The following MICU1 variants were observed in gnomAD, a reference collection of about 807,000 sequenced individuals.
MICU1 encodes the protein calcium uptake protein 1, mitochondrial.
MICU1 carries 45 observed loss-of-function variants against 56.8 expected under a neutral mutation model. The ratio of observed to expected loss-of-function variants is 0.79; its 90% CI spans 0.62 to 1.02. The LOEUF (loss-of-function observed/expected upper bound fraction) is 1.02, where lower values mean the gene tolerates loss of function less well. MICU1 is among the 50% of genes least tolerant of loss of function. The probability of loss-of-function intolerance (pLI) is 0.00; values close to 1 mark genes in which losing one functional copy is unlikely to be tolerated. For missense variants in MICU1, 504 were observed against 587.1 expected (o/e 0.86, Z 1.46); for synonymous variants, 186 against 195.1 (o/e 0.95, Z 0.39).
Position 72,467,220 on chromosome 10 carries a change from G to C in MICU1, c.933+7880C>G, listed in dbSNP as rs142469657. Among the ~76,000 whole-genome samples, 19 of 152,144 alleles carry C rather than the reference G, an allele frequency of 1.2e-4. 1 individual carries two copies. The highest frequency in any genetic ancestry group is 4.6e-4 in the African/African-American group (19 of 41,490). On this transcript the variant is annotated intron_variant, in intron 8 of 11. Coordinates refer to ENST00000361114, the MANE Select transcript of MICU1 (RefSeq NM_001195518.2). ...GTTTTTTGAGACAGAGTCTTGCCCTGTTGCCCAGACTGGAGTACAATGGTG... is the reference window on the plus strand; with the variant it reads ...GTTTTTTGAGACAGAGTCTTGCCCTCTTGCCCAGACTGGAGTACAATGGTG...
intron 10 of MICU1, among the ~76,000 whole-genome samples, chr10:72,395,342 G>T (rs144705109): frequency 6.6e-6 from 1 of 151,962 alleles, no homozygotes; most frequent in South Asian, 2.1e-4. Context: ...GAACAGCTCC[G>T]GTCTGCAGCT....
At chr10:72,395,842 T>G (rs1431173432) in intron 10 of MICU1, among the ~76,000 whole-genome samples, 5 of 152,226 alleles carry the variant, frequency 3.3e-5, no homozygotes, top group Admixed American at 2.0e-4. Flanking sequence ...TCCACCTCTA[T>G]GGGCAGGGCA....
intron 1 of MICU1, among the ~76,000 whole-genome samples, chr10:72,581,504 G>A (rs1024375122): frequency 7.2e-5 from 11 of 151,996 alleles, no homozygotes; most frequent in African/African-American, 2.2e-4. Context: ...GGTGCCTGCC[G>A]GTAATCCCAG....
At chr10:72,392,247 C>A (rs941206506) in intron 10 of MICU1, among the ~76,000 whole-genome samples, 2 of 151,960 alleles carry the variant, frequency 1.3e-5, no homozygotes, top group African/African-American at 4.8e-5. Flanking sequence ...CCTGAAGATA[C>A]CAAGGGACAA....
At chr10:72,422,448 G>T (rs933857533) in intron 9 of MICU1, among the ~76,000 whole-genome samples, 2 of 152,198 alleles carry the variant, frequency 1.3e-5, no homozygotes, top group African/African-American at 4.8e-5. Flanking sequence ...ATTTGCCTAT[G>T]TGATTTCCCA....
At chr10:72,443,547 A>G (rs1285414034) in intron 8 of MICU1, among the ~76,000 whole-genome samples, 2 of 152,162 alleles carry the variant, frequency 1.3e-5, no homozygotes, top group Non-Finnish European at 1.5e-5. Context: ...TGATTTTTGT[A>G]TAAGGTATAA....
chr10:72,385,277 G>T (rs1415373540), intron 10 of MICU1, among the ~76,000 whole-genome samples: 1 of 152,056 alleles, frequency 6.6e-6, no homozygotes, highest in Non-Finnish European at 1.5e-5. Flanking sequence ...ATCACCTGAG[G>T]TCAGGAGTTC....
At chr10:72,370,079 G>GT (rs1194200289) in intron 11 of MICU1, among the ~76,000 whole-genome samples, 1 of 152,048 alleles carries the variant, frequency 6.6e-6, no homozygotes, top group Non-Finnish European at 1.5e-5. Context: ...GGGTTTCACC[G>GT]TGTTAGCCAG....
intron 8 of MICU1, among the ~76,000 whole-genome samples, chr10:72,445,305 C>T (rs917063896): frequency 7.2e-5 from 11 of 152,158 alleles, no homozygotes; most frequent in African/African-American, 2.7e-4. Context: ...GGTTGCCTTT[C>T]TTCTGTCACT....
chr10:72,515,374 T>C lies in MICU1; in HGVS notation c.538-7105A>G, dbSNP rs373198740. 1.3e-5 allele frequency among the ~76,000 whole-genome samples: 2 copies of C among 152,326 alleles called. 1 individual carries two copies. The highest frequency in any genetic ancestry group is 4.1e-4 in the South Asian group (2 of 4,822). On this transcript the variant is annotated intron_variant, in intron 5 of 11. Coordinates refer to ENST00000361114, the MANE Select transcript of MICU1 (RefSeq NM_001195518.2). ...GATGTGGTTTTGGAGTTCCCCGCTGTGTCATTTTTTCTCTCTTTGTACTTC... is the reference window on the plus strand; with the variant it reads ...GATGTGGTTTTGGAGTTCCCCGCTGCGTCATTTTTTCTCTCTTTGTACTTC...
At chr10:72,572,401 C>T (rs1564941334) in intron 1 of MICU1, among the ~76,000 whole-genome samples, 2 of 152,168 alleles carry the variant, frequency 1.3e-5, no homozygotes, top group East Asian at 3.9e-4. Flanking sequence ...ATGTGATTTC[C>T]TCATAGCTAA....
rs79679661 is a variant in MICU1 at position 72,617,299 on chromosome 10, C to T, written c.-2+8711G>A. On this transcript the variant is annotated intron_variant, in intron 1 of 11. Transcript: ENST00000361114. Reference sequence around the variant, plus strand: ...GTTGTACTCAACAAATTTAACCATCCCTTAGTATGATCTAACACCAGTCCA... The same window carrying T: ...GTTGTACTCAACAAATTTAACCATCTCTTAGTATGATCTAACACCAGTCCA... 8.3e-3 allele frequency among the ~76,000 whole-genome samples: 1,258 copies of T among 152,144 alleles called. 19 individuals are homozygous for T. Among genetic ancestry groups the T allele is most frequent in the African/African-American group, 0.029 (1,191 of 41,494 alleles).
rs901366919 is a variant in MICU1, at chr10:72,428,178, C to T, written c.934-4807G>A. On this transcript the variant is annotated intron_variant, in intron 8 of 11. Transcript: ENST00000361114. ...AGCTGGCAAACTGAGGAAGAAGGTT[C>T]ACAATCTGGAACAGAGGCAACACAG... 6.6e-5 allele frequency among the ~76,000 whole-genome samples: 10 copies of T among 152,300 alleles called. No homozygotes were observed. The South Asian group carries it at 1.9e-3, about 28-fold the overall frequency.
chr10:72,625,729 ACCCGGCACTGGGAGAAGTTCT>A (rs1349315560), intron 1 of MICU1, among the ~76,000 whole-genome samples: 1 of 152,120 alleles, frequency 6.6e-6, no homozygotes, highest in African/African-American at 2.4e-5. Flanking sequence ...CAAGTTGCGA[ACCCGGCACTGGGAGAAGTTCT>A]CCCGGGACGG....
chr10:72,553,521 C>G (rs1840088335), intron 3 of MICU1, among the ~76,000 whole-genome samples: 1 of 152,218 alleles, frequency 6.6e-6, no homozygotes, highest in African/African-American at 2.4e-5. Flanking sequence ...GCGTGAGCCA[C>G]TGCGCCCAGC....
intron 6 of MICU1, among the ~76,000 whole-genome samples, chr10:72,487,136 T>C (rs1866500918): frequency 1.3e-5 from 2 of 152,132 alleles, no homozygotes; most frequent in Admixed American, 1.3e-4. Flanking sequence ...GATGAGACGA[T>C]GTTGAAGATG....
At position 72,591,725 on chromosome 10, in the gene MICU1, G is replaced by A. The variant is rs574832760; in HGVS notation, c.-1-24931C>T. ...AATTAGTAGATTAAATCAGTAGTCAGAATTCTCCCAGTAAAGGCCAGGTGC... is the reference window on the plus strand; with the variant it reads ...AATTAGTAGATTAAATCAGTAGTCAAAATTCTCCCAGTAAAGGCCAGGTGC... On this transcript the variant is annotated intron_variant, in intron 1 of 11. Coordinates refer to ENST00000361114, the MANE Select transcript of MICU1 (RefSeq NM_001195518.2). Among the ~76,000 whole-genome samples, 11 of 152,186 alleles carry A rather than the reference G, an allele frequency of 7.2e-5. 1 individual carries two copies. The South Asian group carries it at 2.3e-3, about 32-fold the overall frequency.
intron 1 of MICU1, among the ~76,000 whole-genome samples, chr10:72,600,895 T>C (rs76752937): frequency 0.041 from 6,198 of 152,226 alleles, 434 homozygotes; most frequent in African/African-American, 0.14. Flanking sequence ...GGGGAACTAC[T>C]GTAAACAGCA....
chr10:72,408,667 C>G (rs1214547464), intron 9 of MICU1, among the ~76,000 whole-genome samples: 1 of 152,152 alleles, frequency 6.6e-6, no homozygotes, highest in African/African-American at 2.4e-5. Context: ...GATGACACTT[C>G]CTAATTGGGC....
Sources: gnomAD v4.1 joint callset for allele counts (sites outside exome capture counted in the v4.1 genomes callset) on GRCh38, gnomAD v4.1.1 for gene constraint, MANE v1.5 for transcripts, NCBI Gene and HGNC (gene_info 2026-07-23, HGNC 2026-07-21) for gene names.